Variants in CASP10 observed in about 807,000 individuals in gnomAD.
CASP10 encodes caspase 10.
Under a neutral mutation model 48.5 loss-of-function variants are expected in CASP10, and 41 were observed. The observed-to-expected ratio is 0.85, with a 90% CI of 0.66 to 1.10. CASP10 has a LOEUF of 1.10. Among genes scored for constraint, CASP10 ranks in the 50% least tolerant of loss-of-function variants. The probability of loss-of-function intolerance (pLI) is 0.00; values close to 1 mark genes in which losing one functional copy is unlikely to be tolerated. For synonymous variants in CASP10, 232 were observed against 238.4 expected (o/e 0.97, Z 0.25); for missense variants, 614 against 614.5 (o/e 1.00, Z 0.01).
chr2:201,210,602 C>A (rs369410635), intron 9 of CASP10, among the ~76,000 whole-genome samples: 9 of 152,292 alleles, frequency 5.9e-5, no homozygotes, highest in East Asian at 1.9e-4. Flanking sequence ...AGGATTGGAA[C>A]CTTGAGTCAA....
At chr2:201,195,510 A>G (rs1944758108) in intron 4 of CASP10, among the ~76,000 whole-genome samples, 1 of 151,344 alleles carries the variant, frequency 6.6e-6, no homozygotes, top group African/African-American at 2.4e-5. Flanking sequence ...GTTTGAGCCT[A>G]ATTCTGCTGT....
At chr2:201,203,075 G>T (rs1005417137) in intron 5 of CASP10, among the ~76,000 whole-genome samples, 3 of 152,086 alleles carry the variant, frequency 2.0e-5, no homozygotes, top group African/African-American at 7.2e-5. Context: ...CTGGAGAAGG[G>T]TATAGAGGCT....
At chr2:201,227,964 T>C in intron 9 of CASP10, among the ~76,000 whole-genome samples, 1 of 152,142 alleles carries the variant, frequency 6.6e-6, no homozygotes, top group East Asian at 1.9e-4. Context: ...CTGGCATTCC[T>C]CCACTCTGAA....
chr2:201,205,924 G>A lies in CASP10; in HGVS notation c.764G>A (p.Gly255Glu), dbSNP rs1417549035. The change falls in exon 7 of 10, where the codon GGG (glycine) becomes GAG (glutamate). Residue 255 changes from glycine to glutamate, a missense_variant. Gly to Glu is a moderately conservative substitution (Grantham distance 98). Coordinates refer to ENST00000286186, the MANE Select transcript of CASP10 (RefSeq NM_032977.4). ...TNGAPSLVSR[G>E]MQGASANTLN... ...GGTGCACCAAGCCTGGTCTCCAGGG[G>A]GATGCAAGGAGCATCTGCTAACACT... The A allele has an allele frequency of 3.1e-6, 5 of 1,613,334 alleles. No homozygotes were observed. The highest frequency in any genetic ancestry group is 3.4e-6 in the Non-Finnish European group (4 of 1,179,456).
chr2:201,196,015 C>T (rs757588373), intron 5 of CASP10, 67 bp downstream of exon 5: 1 of 1,071,534 alleles, frequency 9.3e-7, no homozygotes, highest in Non-Finnish European at 1.4e-6. Flanking sequence ...CCCTCCCTGC[C>T]ACCCCAAAAA....
At chr2:201,223,214 G>A (rs775945018), downstream of CASP10, among the ~76,000 whole-genome samples, 9 of 152,288 alleles carry the variant, frequency 5.9e-5, no homozygotes, top group East Asian at 3.9e-4. Context: ...GTGGATGGGC[G>A]TCTGTAGCTG....
chr2:201,193,823 G>A (rs1263069493), intron 4 of CASP10, among the ~76,000 whole-genome samples: 4 of 152,092 alleles, frequency 2.6e-5, no homozygotes, highest in Admixed American at 6.6e-5. Context: ...CTATAGAGTC[G>A]GATTGCCAGG....
chr2:201,196,749 G>A (rs1198290328), intron 5 of CASP10, among the ~76,000 whole-genome samples: 4 of 152,138 alleles, frequency 2.6e-5, no homozygotes, highest in African/African-American at 9.7e-5. Context: ...CCTTCACATT[G>A]TTGTGCAGAC....
chr2:201,206,584 C>T (rs6742307), intron 7 of CASP10, among the ~76,000 whole-genome samples: 1 of 145,956 alleles, frequency 6.9e-6, no homozygotes, highest in African/African-American at 2.5e-5. Flanking sequence ...TATATATATA[C>T]TTATATATTA....
At position 201,219,434 on chromosome 2, in the gene CASP10, C is replaced by A. The variant is rs1945666363; in HGVS notation, c.*1693C>A. 1 of 985,332 alleles carries A rather than the reference C, an allele frequency of 1.0e-6. No individual in the cohort carries two copies. The highest frequency in any genetic ancestry group is 6.1e-5 in the Admixed American group (1 of 16,264). The allele number at this position is 985,332 out of a possible 1,614,324, so 61.0% of individuals were successfully genotyped here. On this transcript the variant is annotated 3_prime_UTR_variant, in exon 10 of 10. Transcript: ENST00000286186. The stretch of plus-strand genomic sequence containing the variant: ...AAAGCTTGAATCAGGACTCAATCTA[C>A]AGGCCAGCACCTTTCTCTTGGCCGG...
intron 7 of CASP10, among the ~76,000 whole-genome samples, chr2:201,207,533 C>T (rs1042245744): frequency 4.6e-5 from 7 of 151,812 alleles, no homozygotes; most frequent in South Asian, 2.1e-4. Flanking sequence ...ACGAGGTGGG[C>T]GGATCACAAG....
rs555685428 is a variant in CASP10 at position 201,216,332 on chromosome 2, G to A, written c.1416-1256G>A. Among the ~76,000 whole-genome samples, 35 of 152,022 alleles carry A rather than the reference G, an allele frequency of 2.3e-4. No individual in the cohort carries two copies. The South Asian group carries it at 5.8e-3, about 25-fold the overall frequency. ...TGTAGTGAACTACAATCGCATTACCGCATTCTAGCCTGGGCAACAGAGCGA... is the reference window on the plus strand; with the variant it reads ...TGTAGTGAACTACAATCGCATTACCACATTCTAGCCTGGGCAACAGAGCGA... On this transcript the variant is annotated intron_variant, in intron 9 of 9. Coordinates refer to ENST00000286186, the MANE Select transcript of CASP10 (RefSeq NM_032977.4).
chr2:201,217,194 T>G (rs1399827259), intron 9 of CASP10, among the ~76,000 whole-genome samples: 1 of 152,192 alleles, frequency 6.6e-6, no homozygotes, highest in Non-Finnish European at 1.5e-5. Context: ...GCATATTTGT[T>G]GATCTAAGAC....
chr2:201,195,753 C>T, intron 4 of CASP10, 89 bp from the exon 5 acceptor site: 2 of 1,002,922 alleles, frequency 2.0e-6, no homozygotes, highest in Middle Eastern at 2.4e-4. Flanking sequence ...TCTTGGCTCA[C>T]TGCAACCTCC....
chr2:201,200,546 C>T lies in CASP10; in HGVS notation c.685-3184C>T, dbSNP rs780375344. 13 of 1,596,694 alleles carry T rather than the reference C, an allele frequency of 8.1e-6. No homozygotes were observed. In the East Asian group the frequency reaches 2.7e-4, roughly 33 times the overall value. On this transcript the variant is annotated intron_variant, in intron 5 of 9. Coordinates refer to ENST00000286186, the MANE Select transcript of CASP10 (RefSeq NM_032977.4). ...GGCTGGGCAAACGCCCACCTGAAGACTATGCAGGCAATCAGGACATGACAC... is the reference window on the plus strand; with the variant it reads ...GGCTGGGCAAACGCCCACCTGAAGATTATGCAGGCAATCAGGACATGACAC...
intron 9 of CASP10, among the ~76,000 whole-genome samples, chr2:201,228,464 G>C (rs1486426712): frequency 6.6e-6 from 1 of 152,188 alleles, no homozygotes; most frequent in Non-Finnish European, 1.5e-5. Flanking sequence ...ACACTGCAAG[G>C]GCACAGTGAG....
rs760742534 is a variant in CASP10 at position 201,209,555 on chromosome 2, G to T, written c.1408G>T (p.Val470Phe). Residue 470 changes from valine (V) to phenylalanine (F), a missense_variant, in exon 9 of 10, where the codon GTC (valine) becomes TTC (phenylalanine). Val to Phe is a conservative substitution (Grantham distance 50, BLOSUM62 -1). Coordinates refer to ENST00000286186, the MANE Select transcript of CASP10 (RefSeq NM_032977.4). The stretch of plus-strand genomic sequence containing the variant: ...TCTGTGTAATCATCTGAAGAAATTG[G>T]TCCCAAGGTGAGAGCTCTTTTTTTT... ...QSLCNHLKKL[V>F]PRHEDILSIL... The T allele has an allele frequency of 6.2e-7, 1 of 1,605,448 alleles. No individual in the cohort carries two copies. The highest frequency in any genetic ancestry group is 1.7e-5 in the Admixed American group (1 of 57,800).
intron 4 of CASP10, among the ~76,000 whole-genome samples, chr2:201,194,319 C>A (rs1395522732): frequency 1.3e-5 from 2 of 152,150 alleles, no homozygotes; most frequent in Non-Finnish European, 2.9e-5. Flanking sequence ...TTATGCCACA[C>A]CCTTAATTTA....
At chr2:201,228,646 G>A (rs974947751) in intron 9 of CASP10, among the ~76,000 whole-genome samples, 9 of 152,186 alleles carry the variant, frequency 5.9e-5, no homozygotes, top group Non-Finnish European at 1.0e-4. Flanking sequence ...TTGGAGATAG[G>A]AGCCATGGCC....
Sources: allele counts gnomAD v4.1 joint callset (sites outside exome capture counted in the v4.1 genomes callset), GRCh38; gene constraint gnomAD v4.1.1; transcripts MANE v1.5; gene names NCBI Gene and HGNC (gene_info 2026-07-23, HGNC 2026-07-21).